Variants in MAN2B2 observed in about 807,000 individuals in gnomAD.
The protein encoded by MAN2B2 is mannosidase alpha class 2B member 2.
MAN2B2 carries 106 observed loss-of-function variants against 117.1 expected under a neutral mutation model. The ratio of observed to expected loss-of-function variants is 0.90; its 90% CI spans 0.77 to 1.06. The LOEUF is 1.06. MAN2B2 is among the 50% of genes least tolerant of loss of function. The pLI is 0.00. For missense variants in MAN2B2, 1,326 were observed against 1,381.4 expected (o/e 0.96, Z 0.64); for synonymous variants, 544 against 595.1 (o/e 0.91, Z 1.25).
chr4:6,606,743 C>T (rs1471355061), intron 11 of MAN2B2, among the ~76,000 whole-genome samples: 3 of 152,188 alleles, frequency 2.0e-5, no homozygotes, highest in Non-Finnish European at 2.9e-5. Context: ...TGTTGGTATT[C>T]AGAGTAGGGG....
chr4:6,613,330 T>G (rs544145115), intron 15 of MAN2B2, among the ~76,000 whole-genome samples: 1 of 152,014 alleles, frequency 6.6e-6, no homozygotes, highest in Admixed American at 6.6e-5. Context: ...GGCTCACACT[T>G]GTAATCCCAG....
At chr4:6,614,078 C>A in intron 15 of MAN2B2, 140 bp from the exon 16 acceptor site, 1 of 1,030,038 alleles carries the variant, frequency 9.7e-7, no homozygotes, top group Non-Finnish European at 1.4e-6. Context: ...ACACTTTGGG[C>A]TGGTGCGGGG....
Position 6,600,663 on chromosome 4 carries a change from G to T in MAN2B2, c.1446G>T (p.Pro482=). 2 of 1,613,958 alleles carry T rather than the reference G, an allele frequency of 1.2e-6. No individual in the cohort carries two copies. The highest frequency in any genetic ancestry group is 2.2e-5 in the South Asian group (2 of 91,078). ...GACATTTTGCCTCGGTCTACAACCC[G>T]CTGGCCTGGACGGTCACCACCATCG... ...PAGHFASVYN[P]LAWTVTTIVT... is the part of the protein sequence containing the mutation. Residue 482 remains proline (P), a synonymous_variant, in exon 10 of 19, where the codon CCG becomes CCT. Coordinates refer to ENST00000285599, the MANE Select transcript of MAN2B2 (RefSeq NM_015274.3).
Position 6,611,071 on chromosome 4 carries a change from A to T in MAN2B2, c.2371-15A>T, listed in dbSNP as rs1021503418. The T allele has an allele frequency of 6.2e-7, 1 of 1,612,148 alleles. No homozygotes were observed. The highest frequency in any genetic ancestry group is 1.3e-5 in the African/African-American group (1 of 74,996). ...CAGGTGCAAGCCGGGCCTCTCGGACAATGCCTTCCCGCAGGTCATGCTCCA... is the reference window on the plus strand; with the variant it reads ...CAGGTGCAAGCCGGGCCTCTCGGACTATGCCTTCCCGCAGGTCATGCTCCA... On this transcript the variant is annotated splice_polypyrimidine_tract_variant and intron_variant, in intron 14 of 18. Transcript: ENST00000285599.
At chr4:6,602,425 T>C (rs886155825) in intron 10 of MAN2B2, among the ~76,000 whole-genome samples, 2 of 152,126 alleles carry the variant, frequency 1.3e-5, no homozygotes, top group Non-Finnish European at 2.9e-5. Flanking sequence ...CCAAGGGAAC[T>C]CTCTGAGGTC....
intron 15 of MAN2B2, among the ~76,000 whole-genome samples, chr4:6,611,864 C>T (rs1390545322): frequency 1.3e-5 from 2 of 152,188 alleles, no homozygotes; most frequent in African/African-American, 4.8e-5. Flanking sequence ...TCTTTCTAAT[C>T]TATAGTCTAA....
intron 2 of MAN2B2, among the ~76,000 whole-genome samples, chr4:6,578,065 A>T (rs1436764460): frequency 1.3e-5 from 2 of 152,214 alleles, no homozygotes; most frequent in African/African-American, 4.8e-5. Context: ...TAAAAATGGT[A>T]GTGATGAGTG....
In MAN2B2 at chr4:6,617,483, G is replaced by C. The variant is rs1183261032; in HGVS notation, c.2805G>C (p.Val935=). 7 of 1,614,036 alleles carry C rather than the reference G, an allele frequency of 4.3e-6. No individual in the cohort carries two copies. The Admixed American group carries it at 8.3e-5, about 19-fold the overall frequency. The part of the protein sequence containing the change: ...EDPVLSQPVT[V]NLEAVLQALG... ...CAGTCCTGTCTCAGCCAGTGACAGT[G>C]AATCTGGAGGTGAACTTCCCCACCC... Residue 935 remains valine, a synonymous_variant, in exon 17 of 19, where the codon GTG becomes GTC. Coordinates refer to ENST00000285599, the MANE Select transcript of MAN2B2 (RefSeq NM_015274.3).
At position 6,605,138 on chromosome 4, in the gene MAN2B2, C is replaced by A; in HGVS notation, c.1623C>A (p.Asn541Lys). ...TIPGLSYRHYNIRPTAGAQEG... is the reference protein window; with the variant it reads ...TIPGLSYRHYKIRPTAGAQEG... ...CAGGCCTCAGTTACCGGCACTACAA[C>A]ATCAGACCCACTGCAGGGGCCCAAG... Residue 541 changes from asparagine (N) to lysine (K), a missense_variant, in exon 11 of 19, where the codon AAC (asparagine) becomes AAA (lysine). Transcript: ENST00000285599. 6.2e-7 allele frequency: 1 copy of A among 1,614,218 alleles called. No individual in the cohort carries two copies. Among genetic ancestry groups the A allele is most frequent in the Non-Finnish European group, 8.5e-7 (1 of 1,180,038 alleles).
Position 6,609,251 on chromosome 4 carries a change from G to T in MAN2B2, c.1959G>T (p.Glu653Asp), listed in dbSNP as rs1330888474. ...CTGCGTGGGAAGCTGTGGAAATGGA[G>T]ATTGTGGCGGGACAGCTTGTGACTG... ...AVPAWEAVEMEIVAGQLVTEI... is the reference protein window; with the variant it reads ...AVPAWEAVEMDIVAGQLVTEI... The change falls in exon 12 of 19, where the codon GAG becomes GAT. Residue 653 changes from glutamate (E) to aspartate (D), a missense_variant. By Grantham distance (45) the Glu-to-Asp change is conservative (BLOSUM62 2). Transcript: ENST00000285599. The T allele has an allele frequency of 6.2e-7, 1 of 1,614,232 alleles. No individual in the cohort carries two copies. The highest frequency in any genetic ancestry group is 2.2e-5 in the East Asian group (1 of 44,880).
At chr4:6,584,810 G>A (rs1197825271) in intron 3 of MAN2B2, among the ~76,000 whole-genome samples, 2 of 152,192 alleles carry the variant, frequency 1.3e-5, no homozygotes, top group African/African-American at 2.4e-5. Flanking sequence ...GAGTAAGCGT[G>A]CCACATTTGG....
At chr4:6,609,402 G>C in intron 12 of MAN2B2, 104 bp downstream of exon 12, 1 of 1,176,190 alleles carries the variant, frequency 8.5e-7, no homozygotes, top group East Asian at 2.5e-5. Flanking sequence ...CCCAGCTTCC[G>C]GGCCGTGGTT....
At chr4:6,600,799 T>C (rs768998715) in intron 10 of MAN2B2, 43 bp downstream of exon 10, 14 of 1,608,062 alleles carry the variant, frequency 8.7e-6, no homozygotes, top group Non-Finnish European at 1.2e-5. Context: ...AGCTGCTTGC[T>C]GAACCTGCTC....
intron 11 of MAN2B2, among the ~76,000 whole-genome samples, chr4:6,605,593 T>C (rs1042199718): frequency 6.6e-6 from 1 of 152,080 alleles, no homozygotes; most frequent in Non-Finnish European, 1.5e-5. Context: ...GAAAAAAAAA[T>C]TACCACTTTT....
chr4:6,587,183 G>A lies in MAN2B2; in HGVS notation c.564+15G>A, dbSNP rs371031405. On this transcript the variant is annotated intron_variant, in intron 4 of 18. Transcript: ENST00000285599. The stretch of plus-strand genomic sequence containing the variant: ...AGGAGGCCCGGGTGAGTGGTGTGCC[G>A]CGTCTGCTGCCGCCCAGCGACCGCT... The A allele has an allele frequency of 3.1e-5, 49 of 1,605,746 alleles. No homozygotes were observed. The highest frequency in any genetic ancestry group is 1.7e-4 in the Middle Eastern group (1 of 5,740).
rs148977902 is a variant in MAN2B2, at chr4:6,581,364, A to G, written c.391+2866A>G. Among the ~76,000 whole-genome samples, 543 of 152,246 alleles carry G rather than the reference A, an allele frequency of 3.6e-3. 4 individuals are homozygous for G. The highest frequency in any genetic ancestry group is 0.026 in the South Asian group (124 of 4,824). On this transcript the variant is annotated intron_variant, in intron 3 of 18. Transcript: ENST00000285599. The stretch of plus-strand genomic sequence containing the variant: ...ACAGCCCCATTTGACAGATGAGGAA[A>G]CTGAGGTACTGAGAGATGCGGGATT...
At chr4:6,599,746 T>G (rs1336112028) in intron 9 of MAN2B2, among the ~76,000 whole-genome samples, 1 of 151,970 alleles carries the variant, frequency 6.6e-6, no homozygotes, top group Non-Finnish European at 1.5e-5. Flanking sequence ...GTGTCCCAGC[T>G]GTGGCCTGCC....
chr4:6,601,778 A>G (rs1727339892), intron 10 of MAN2B2, among the ~76,000 whole-genome samples: 2 of 152,354 alleles, frequency 1.3e-5, no homozygotes, highest in South Asian at 2.1e-4. Flanking sequence ...AGCTGCAGAC[A>G]AAGACCAAAT....
At chr4:6,609,059 G>C in intron 11 of MAN2B2, 48 bp from the exon 12 acceptor site, 2 of 1,556,852 alleles carry the variant, frequency 1.3e-6, no homozygotes, top group Non-Finnish European at 1.7e-6. Context: ...GTGTCTGTAA[G>C]ACCTTGTGCA....
Sources: allele counts gnomAD v4.1 joint callset (sites outside exome capture counted in the v4.1 genomes callset), GRCh38; gene constraint gnomAD v4.1.1; transcripts MANE v1.5; gene names NCBI Gene and HGNC (gene_info 2026-07-23, HGNC 2026-07-21).